Variants in NCAPD2 observed in about 807,000 individuals in gnomAD.
The protein encoded by NCAPD2 is non-SMC condensin I complex subunit D2, also known as condensin complex subunit 1.
In NCAPD2, 100 loss-of-function variants were observed where a neutral mutation model predicts 164.5. The ratio of observed to expected loss-of-function variants is 0.61; its 90% confidence interval spans 0.52 to 0.72. The LOEUF (loss-of-function observed/expected upper bound fraction) is 0.72, where lower values mean the gene tolerates loss of function less well. Among genes scored for constraint, NCAPD2 ranks in the 30% least tolerant of loss-of-function variants. The pLI, the probability that NCAPD2 is intolerant of heterozygous loss-of-function variation, is 0.00. For missense variants in NCAPD2, 1,560 were observed against 1,749.2 expected (o/e 0.89, Z 1.93); for synonymous variants, 585 against 642.6 (o/e 0.91, Z 1.36).
rs10849482 is a variant in NCAPD2, at chr12:6,526,108, G to C, written c.2389G>C (p.Val797Leu). ...TGTGGGAAGCAATTTAGACACACTG[G>C]TGAGCATAGGGCTGGATGAGAAGTT... ...EIVGSNLDTL[V>L]SIGLDEKFPQ... is the part of the protein sequence containing the mutation. Residue 797 changes from valine (V) to leucine (L), a missense_variant, in exon 19 of 32, where the codon GTG (valine) becomes CTG (leucine). Val to Leu is a conservative substitution (Grantham distance 32). Coordinates refer to ENST00000315579, the MANE Select transcript of NCAPD2 (RefSeq NM_014865.4). The C allele has an allele frequency of 1.2e-6, 2 of 1,613,856 alleles. No homozygotes were observed. The highest frequency in any genetic ancestry group is 2.7e-5 in the African/African-American group (2 of 74,902).
At chr12:6,499,167 C>T (rs1045971571) in intron 2 of NCAPD2, among the ~76,000 whole-genome samples, 6 of 152,026 alleles carry the variant, frequency 3.9e-5, no homozygotes. Context: ...TGACACACAA[C>T]CTACAATTTA....
At chr12:6,515,247 T>C (rs1271716815) in intron 9 of NCAPD2, among the ~76,000 whole-genome samples, 2 of 152,082 alleles carry the variant, frequency 1.3e-5, no homozygotes, top group Non-Finnish European at 2.9e-5. Context: ...TGCTGGAGCA[T>C]GATCATAGCT....
intron 2 of NCAPD2, among the ~76,000 whole-genome samples, chr12:6,496,404 T>A (rs1257023847): frequency 6.6e-6 from 1 of 152,114 alleles, no homozygotes; most frequent in East Asian, 1.9e-4. Context: ...GAAAAAGGAA[T>A]TTTCTTTTTG....
At chr12:6,495,367 C>T in intron 2 of NCAPD2, 142 bp downstream of exon 2, 4 of 1,032,466 alleles carry the variant, frequency 3.9e-6, no homozygotes, top group South Asian at 1.7e-5. Flanking sequence ...GCTGTTTTAT[C>T]CTAAAATTGC....
rs1946217379 is a variant in NCAPD2, at chr12:6,517,694, A to C, written c.1408+11A>C. The C allele has an allele frequency of 6.2e-7, 1 of 1,614,166 alleles. No individual in the cohort carries two copies. The stretch of plus-strand genomic sequence containing the variant: ...GAACTGCAGCAGCTTGTAAGTAGTT[A>C]CTGCCTTGGAGTCCTAATGCCAGAC... On this transcript the variant is annotated intron_variant, in intron 12 of 31. Transcript: ENST00000315579.
At chr12:6,513,140 G>A (rs902699967) in intron 6 of NCAPD2, among the ~76,000 whole-genome samples, 2 of 152,116 alleles carry the variant, frequency 1.3e-5, no homozygotes, top group Non-Finnish European at 2.9e-5. Context: ...AACACATTTG[G>A]GAATATAATA....
chr12:6,530,792 G>A lies in NCAPD2; in HGVS notation c.3939G>A (p.Ala1313=), dbSNP rs748324154. 1.2e-5 allele frequency: 20 copies of A among 1,614,052 alleles called. No individual in the cohort carries two copies. Among genetic ancestry groups the A allele is most frequent in the South Asian group, 6.6e-5 (6 of 91,088 alleles). ...LEIGQAGSQR[A]PSAKKPSTGS... is the part of the protein sequence containing the mutation. ...TTGGCCAAGCAGGTAGCCAGAGAGC[G>A]CCATCAGCCAAGAAACCATCCACTG... Residue 1313 remains alanine, a synonymous_variant, in exon 30 of 32, where the codon GCG becomes GCA. Coordinates refer to ENST00000315579, the MANE Select transcript of NCAPD2 (RefSeq NM_014865.4).
Position 6,528,293 on chromosome 12 carries a change from T to G in NCAPD2, c.3264T>G (p.Asn1088Lys). Residue 1088 changes from asparagine (N) to lysine (K), a missense_variant, in exon 25 of 32, where the codon AAT (asparagine) becomes AAG (lysine). Transcript: ENST00000315579. This position sits in a 1 kb window ranked among gnomAD's most constrained non-coding sequence, Gnocchi z 5.1. ...GGGATCTGGCCATCCGCTTTCCCAA[T>G]CTGGTGGACCCCTGGACTCCTCATC... ...ATGDLAIRFP[N>K]LVDPWTPHLY... 6.2e-7 allele frequency: 1 copy of G among 1,613,760 alleles called. No homozygotes were observed. The highest frequency in any genetic ancestry group is 8.5e-7 in the Non-Finnish European group (1 of 1,179,948).
At position 6,528,975 on chromosome 12, in the gene NCAPD2, A is replaced by G. The variant is rs145398040; in HGVS notation, c.3508A>G (p.Ile1170Val). Reference protein sequence around the residue: ...GNAIYNLLPDIISRLSDPELG... With the variant: ...GNAIYNLLPDVISRLSDPELG... ...CGCAATCTATAATCTCCTTCCAGATATCATCAGCCGCCTGTCAGACCCCGA... is the reference window on the plus strand; with the variant it reads ...CGCAATCTATAATCTCCTTCCAGATGTCATCAGCCGCCTGTCAGACCCCGA... The change falls in exon 27 of 32, where the codon ATC (isoleucine) becomes GTC (valine). Residue 1170 changes from isoleucine to valine, a missense_variant. Coordinates refer to ENST00000315579, the MANE Select transcript of NCAPD2 (RefSeq NM_014865.4). This position sits in a 1 kb window ranked among gnomAD's most constrained non-coding sequence, Gnocchi z 5.1. The G allele has an allele frequency of 1.9e-6, 3 of 1,613,842 alleles. No individual in the cohort carries two copies. In the African/African-American group the frequency reaches 4.0e-5, roughly 22 times the overall value.
chr12:6,511,535 G>A (rs1417886970), intron 6 of NCAPD2, among the ~76,000 whole-genome samples: 2 of 152,028 alleles, frequency 1.3e-5, no homozygotes, highest in South Asian at 4.1e-4. Context: ...TGCCATGTTG[G>A]CCAGGCTGGT....
intron 2 of NCAPD2, among the ~76,000 whole-genome samples, chr12:6,507,462 C>A (rs554432204): frequency 1.3e-5 from 2 of 152,232 alleles, no homozygotes; most frequent in African/African-American, 4.8e-5. Flanking sequence ...CTTGGCCAGT[C>A]GCCGTGAAAG....
At chr12:6,508,032 G>GA (rs200919941) in intron 2 of NCAPD2, among the ~76,000 whole-genome samples, 16 of 151,382 alleles carry the variant, frequency 1.1e-4, no homozygotes, top group Middle Eastern at 3.4e-3. Context: ...AAAATTAACA[G>GA]AAAAAAAAAT....
chr12:6,502,145 G>C (rs1468077468), intron 2 of NCAPD2, among the ~76,000 whole-genome samples: 1 of 152,160 alleles, frequency 6.6e-6, no homozygotes, highest in South Asian at 2.1e-4. Context: ...GTAGGTAAGA[G>C]AGTACGTGAT....
intron 29 of NCAPD2, 86 bp downstream of exon 29, chr12:6,530,044 A>T: frequency 6.9e-7 from 1 of 1,446,280 alleles, no homozygotes; most frequent in African/African-American, 1.4e-5. Context: ...CGGCTCTTGC[A>T]GTCACCTTCC....
In NCAPD2 at chr12:6,504,204, T is replaced by TAC. The variant is rs1271618704; in HGVS notation, c.128-5512_128-5511insCA. 2.2e-3 allele frequency among the ~76,000 whole-genome samples: 49 copies of TAC among 22,610 alleles called. 3 individuals carry two copies. Among genetic ancestry groups the TAC allele is most frequent in the African/African-American group, 3.3e-3 (7 of 2,104 alleles). The allele number at this position is 22,610 out of a possible 152,430, so 14.8% of individuals were successfully genotyped here. A position where few individuals can be genotyped will look rare whatever the true frequency, so the allele number is the denominator to read the frequency against. On this transcript the variant is annotated intron_variant, in intron 2 of 31. Coordinates refer to ENST00000315579, the MANE Select transcript of NCAPD2 (RefSeq NM_014865.4). ...ATACATATATATATATATATATATA[T>TAC]ATATATATATATAGATATAGATATA...
At chr12:6,525,435 C>T (rs1481866223) in intron 17 of NCAPD2, 148 bp from the exon 18 acceptor site, 2 of 843,614 alleles carry the variant, frequency 2.4e-6, no homozygotes, top group African/African-American at 1.7e-5. Flanking sequence ...CAAGACCCTG[C>T]TGTACATTTT....
Position 6,531,289 on chromosome 12 carries a change from G to A in NCAPD2, c.4121-38G>A, listed in dbSNP as rs1946370761. The A allele has an allele frequency of 5.0e-6, 8 of 1,588,388 alleles. No individual in the cohort carries two copies. Among genetic ancestry groups the A allele is most frequent in the Non-Finnish European group, 5.2e-6 (6 of 1,160,178 alleles). On this transcript the variant is annotated intron_variant, in intron 31 of 31. Coordinates refer to ENST00000315579, the MANE Select transcript of NCAPD2 (RefSeq NM_014865.4). This position sits in a 1 kb window ranked among gnomAD's most constrained non-coding sequence, Gnocchi z 4.1. ...ATATCTATTTTTTCACCATCTTTGT[G>A]ACTCAGCTTTTTCTTATTCCTTTAA...
At chr12:6,519,830 T>C (rs1946247844) in intron 13 of NCAPD2, among the ~76,000 whole-genome samples, 1 of 151,300 alleles carries the variant, frequency 6.6e-6, no homozygotes, top group Admixed American at 6.6e-5. Flanking sequence ...ATTGCTCCGC[T>C]ACACTCTACC....
In NCAPD2 at chr12:6,516,883, T is replaced by C. The variant is rs772501599; in HGVS notation, c.1043T>C (p.Val348Ala). 8 of 1,614,158 alleles carry C rather than the reference T, an allele frequency of 5.0e-6. No homozygotes were observed. The South Asian group carries it at 7.7e-5, about 16-fold the overall frequency. ...LAAMAEMVLQ[V>A]LSGDQLEAAA... ...GCCATGGCGGAGATGGTGCTGCAGG[T>C]TCTCAGTGGCGATCAACTGGAAGCA... The change falls in exon 10 of 32, where the codon GTT becomes GCT. Residue 348 changes from valine to alanine, a missense_variant. Coordinates refer to ENST00000315579, the MANE Select transcript of NCAPD2 (RefSeq NM_014865.4).
Sources: gnomAD v4.1 joint callset for allele counts (sites outside exome capture counted in the v4.1 genomes callset) on GRCh38, gnomAD v4.1.1 for gene constraint, Gnocchi (gnomAD v3.1) non-coding constraint, MANE v1.5 for transcripts, NCBI Gene and HGNC (gene_info 2026-07-23, HGNC 2026-07-21) for gene names.